APBB2: variants seen among roughly 807,000 people sequenced by gnomAD.
The protein encoded by APBB2 is amyloid beta precursor protein binding family B member 2.
Under a neutral mutation model 82.5 loss-of-function variants are expected in APBB2, and 38 were observed. The observed-to-expected ratio is 0.46, with a 90% CI of 0.36 to 0.60. The LOEUF (loss-of-function observed/expected upper bound fraction) is 0.60, where lower values mean the gene tolerates loss of function less well. APBB2 is among the 20% of genes least tolerant of loss of function. The pLI is 0.00. For synonymous variants in APBB2, 341 were observed against 368.2 expected (o/e 0.93, Z 0.85); for missense variants, 772 against 972.3 (o/e 0.79, Z 2.74).
intron 4 of APBB2, among the ~76,000 whole-genome samples, chr4:41,058,930 G>C (rs1057202018): frequency 4.6e-5 from 7 of 151,896 alleles, no homozygotes; most frequent in African/African-American, 1.7e-4. Context: ...AAATCCCTGG[G>C]CCAGAACCAA....
intron 12 of APBB2, among the ~76,000 whole-genome samples, chr4:40,879,798 T>C (rs1767921811): frequency 6.6e-6 from 1 of 152,012 alleles, no homozygotes; most frequent in Non-Finnish European, 1.5e-5. Context: ...TTCAAGTGAT[T>C]CTCCTGCCTA....
At chr4:41,038,253 G>A (rs577756107) in intron 4 of APBB2, among the ~76,000 whole-genome samples, 2 of 151,212 alleles carry the variant, frequency 1.3e-5, no homozygotes, top group African/African-American at 4.9e-5. Flanking sequence ...TAAATAAAAT[G>A]CCCTCTTGTC....
chr4:41,070,620 C>T (rs1733506523), intron 3 of APBB2, among the ~76,000 whole-genome samples: 5 of 152,118 alleles, frequency 3.3e-5, no homozygotes, highest in Admixed American at 2.6e-4. Flanking sequence ...TTTTATATTA[C>T]GCAGCAGCAC....
intron 1 of APBB2, among the ~76,000 whole-genome samples, chr4:41,157,434 A>G (rs772909889): frequency 3.3e-5 from 5 of 152,200 alleles, no homozygotes; most frequent in Admixed American, 1.3e-4. Context: ...AAGAAGCCCA[A>G]TAATTCACCC....
At chr4:40,854,790 C>CAAAAAAAAAAAAAAAAAAA (rs80240731) in intron 12 of APBB2, among the ~76,000 whole-genome samples, 3 of 124,822 alleles carry the variant, frequency 2.4e-5, no homozygotes, top group African/African-American at 9.5e-5. Flanking sequence ...AGTCCATCTC[C>CAAAAAAAAAAAAAAAAAAA]AAAAAAAAAA....
At chr4:41,087,215 T>G (rs1740081270) in intron 3 of APBB2, among the ~76,000 whole-genome samples, 1 of 152,220 alleles carries the variant, frequency 6.6e-6, no homozygotes, top group Non-Finnish European at 1.5e-5. Flanking sequence ...TTAGAACACT[T>G]AGTATCATTA....
At chr4:41,095,931 G>C (rs1321485126) in intron 3 of APBB2, among the ~76,000 whole-genome samples, 1 of 152,094 alleles carries the variant, frequency 6.6e-6, no homozygotes, top group African/African-American at 2.4e-5. Flanking sequence ...TCTCACTCTG[G>C]CACCTTTTCG....
chr4:40,996,580 C>A (rs1002072248), intron 6 of APBB2, among the ~76,000 whole-genome samples: 3 of 152,196 alleles, frequency 2.0e-5, no homozygotes, highest in Non-Finnish European at 4.4e-5. Context: ...TGTCTAAAAT[C>A]AAACACATCA....
At chr4:40,926,881 A>T (rs990053982) in intron 10 of APBB2, among the ~76,000 whole-genome samples, 10 of 152,260 alleles carry the variant, frequency 6.6e-5, no homozygotes, top group African/African-American at 2.4e-4. Context: ...ATATGGAAAC[A>T]TAACTATAAT....
At chr4:41,118,378 C>G (rs1231984875) in intron 2 of APBB2, among the ~76,000 whole-genome samples, 3 of 152,174 alleles carry the variant, frequency 2.0e-5, no homozygotes, top group Non-Finnish European at 4.4e-5. Context: ...ACTTCAATTT[C>G]TAAGCCTCCG....
chr4:40,964,917 G>A (rs577997638), intron 6 of APBB2, among the ~76,000 whole-genome samples: 36 of 152,182 alleles, frequency 2.4e-4, no homozygotes, highest in African/African-American at 3.9e-4. Flanking sequence ...TCAGGAGATC[G>A]AGACCATCCT....
intron 2 of APBB2, among the ~76,000 whole-genome samples, chr4:41,125,390 A>G (rs1725613048): frequency 6.6e-6 from 1 of 152,220 alleles, no homozygotes; most frequent in African/African-American, 2.4e-5. Context: ...TACAAAATAG[A>G]GAATGAGAGT....
intron 1 of APBB2, among the ~76,000 whole-genome samples, chr4:41,192,867 A>G (rs769184278): frequency 3.9e-5 from 6 of 152,212 alleles, no homozygotes; most frequent in Non-Finnish European, 7.3e-5. Flanking sequence ...GTATCATACC[A>G]TAACATCATG....
intron 12 of APBB2, among the ~76,000 whole-genome samples, chr4:40,873,024 G>A (rs1319927963): frequency 4.7e-5 from 7 of 149,596 alleles, no homozygotes; most frequent in Admixed American, 1.4e-4. Context: ...GGAGGCGGAG[G>A]TTGCAGTGAG....
chr4:40,905,750 G>C (rs558774240), intron 10 of APBB2, among the ~76,000 whole-genome samples: 80 of 152,300 alleles, frequency 5.3e-4, no homozygotes, highest in Admixed American at 1.6e-3. Context: ...CTACTTTATT[G>C]CTGGGGATTC....
At chr4:41,096,549 T>TAC (rs1320843766) in intron 3 of APBB2, among the ~76,000 whole-genome samples, 2 of 152,218 alleles carry the variant, frequency 1.3e-5, no homozygotes, top group East Asian at 3.8e-4. Flanking sequence ...AAAACGTGTG[T>TAC]ACACACACAC....
chr4:41,122,115 G>A (rs1753011068), intron 2 of APBB2, among the ~76,000 whole-genome samples: 1 of 152,036 alleles, frequency 6.6e-6, no homozygotes, highest in Non-Finnish European at 1.5e-5. Flanking sequence ...TGTACAGACA[G>A]GAGTCTTACT....
intron 10 of APBB2, among the ~76,000 whole-genome samples, chr4:40,923,156 T>C (rs1348526290): frequency 2.0e-5 from 3 of 151,666 alleles, no homozygotes; most frequent in Admixed American, 1.3e-4. Context: ...TTTGTATTTT[T>C]AGTAGAGACG....
At chr4:40,854,116 AAAG>A (rs1760367302) in intron 12 of APBB2, among the ~76,000 whole-genome samples, 1 of 152,172 alleles carries the variant, frequency 6.6e-6, no homozygotes, top group African/African-American at 2.4e-5. Flanking sequence ...TTAAACCCTA[AAAG>A]TAGACAATGA....
Sources: allele counts gnomAD v4.1 joint callset (sites outside exome capture counted in the v4.1 genomes callset), GRCh38; gene constraint gnomAD v4.1.1; transcripts MANE v1.5; gene names NCBI Gene and HGNC (gene_info 2026-07-23, HGNC 2026-07-21).